Variants in B3GALT1 observed in about 807,000 individuals in gnomAD.
B3GALT1 encodes the protein beta-1,3-galactosyltransferase 1.
A neutral mutation model predicts 23.2 loss-of-function variants in B3GALT1; 10 were observed. The ratio of observed to expected loss-of-function variants is 0.43; its 90% confidence interval spans 0.27 to 0.73. The LOEUF is 0.73. Ranked by LOEUF, B3GALT1 falls within the 30% of genes least tolerant of loss-of-function variation. The probability of loss-of-function intolerance (pLI) is 0.21; values close to 1 mark genes in which losing one functional copy is unlikely to be tolerated. For missense variants in B3GALT1, 299 were observed against 405.4 expected, an observed-to-expected ratio of 0.74 and a Z score of 2.25; for synonymous variants, 156 against 141.5, an observed-to-expected ratio of 1.10 and a Z score of -0.73.
At chr2:167,766,100 C>G (rs1687972701) in intron 3 of B3GALT1, among the ~76,000 whole-genome samples, 1 of 152,078 alleles carries the variant, frequency 6.6e-6, no homozygotes, top group Non-Finnish European at 1.5e-5. Context: ...TTACAGATGC[C>G]CTAAAGATTT....
In B3GALT1 at chr2:167,872,970, C is replaced by T. The variant is rs1258190106; in HGVS notation, c.*2950C>T. On this transcript the variant is annotated 3_prime_UTR_variant, in exon 5 of 5. Coordinates refer to ENST00000392690, the MANE Select transcript of B3GALT1 (RefSeq NM_020981.4). ...CATAGCCTTAAGCATGTTTGCCCTT[C>T]GTTTTTTGAATGTTCAAAAAATGTT... The T allele has an allele frequency of 6.6e-6, 1 of 152,068 alleles. No individual in the cohort carries two copies. The highest frequency in any genetic ancestry group is 2.4e-5 in the African/African-American group (1 of 41,414). 9.4% of individuals were successfully genotyped at this position (152,068 alleles called of 1,614,324 possible). A position where few individuals can be genotyped will look rare whatever the true frequency, so the allele number is the denominator to read the frequency against.
chr2:167,396,645 A>G (rs980276810), intron 1 of B3GALT1, among the ~76,000 whole-genome samples: 1 of 151,694 alleles, frequency 6.6e-6, no homozygotes, highest in Non-Finnish European at 1.5e-5. Context: ...TATATAAAAT[A>G]AAACTTAGCC....
intron 3 of B3GALT1, among the ~76,000 whole-genome samples, chr2:167,662,897 C>A (rs1047159356): frequency 2.6e-5 from 4 of 152,078 alleles, no homozygotes; most frequent in African/African-American, 7.2e-5. Context: ...ATGCATATGA[C>A]TGCCTTGTCT....
At chr2:167,785,698 C>T (rs1383047845) in intron 3 of B3GALT1, among the ~76,000 whole-genome samples, 2 of 152,200 alleles carry the variant, frequency 1.3e-5, no homozygotes, top group Non-Finnish European at 2.9e-5. Context: ...CTTCACTGAG[C>T]ATTTAGCAGG....
chr2:167,798,084 T>A (rs1688572765), intron 3 of B3GALT1, among the ~76,000 whole-genome samples: 2 of 152,218 alleles, frequency 1.3e-5, no homozygotes, highest in African/African-American at 4.8e-5. Flanking sequence ...GTTGCATGAA[T>A]GTCTTCTTTT....
At chr2:167,333,490 T>G (rs1046445335) in intron 1 of B3GALT1, among the ~76,000 whole-genome samples, 6 of 152,168 alleles carry the variant, frequency 3.9e-5, no homozygotes, top group African/African-American at 1.4e-4. Context: ...TGAGAACCAG[T>G]GTTAGATTGA....
At chr2:167,839,669 A>C (rs887098673) in intron 4 of B3GALT1, among the ~76,000 whole-genome samples, 1 of 152,268 alleles carries the variant, frequency 6.6e-6, no homozygotes, top group African/African-American at 2.4e-5. Context: ...ACAGAATTGG[A>C]AAAAACTACT....
intron 3 of B3GALT1, among the ~76,000 whole-genome samples, chr2:167,805,796 C>G (rs58906279): frequency 0.034 from 5,101 of 152,106 alleles, 124 homozygotes; most frequent in South Asian, 0.069. Context: ...GCTTAGGATT[C>G]ACTTGGCAAT....
intron 3 of B3GALT1, among the ~76,000 whole-genome samples, chr2:167,704,830 T>C (rs1227201065): frequency 6.6e-6 from 1 of 152,216 alleles, no homozygotes; most frequent in Admixed American, 6.5e-5. Context: ...AATTTCCAGA[T>C]ACCCCAAGTC....
intron 1 of B3GALT1, among the ~76,000 whole-genome samples, chr2:167,373,251 AAAC>A (rs1320741751): frequency 2.6e-5 from 4 of 152,160 alleles, no homozygotes; most frequent in African/African-American, 9.7e-5. Context: ...TAATTTTAAA[AAAC>A]AACAGTATGA....
chr2:167,554,117 T>A (rs1444462601), intron 2 of B3GALT1, among the ~76,000 whole-genome samples: 1 of 152,216 alleles, frequency 6.6e-6, no homozygotes, highest in Non-Finnish European at 1.5e-5. Flanking sequence ...CTCTTCCACC[T>A]GCAAACTGTA....
At chr2:167,708,826 C>G (rs1687007687) in intron 3 of B3GALT1, among the ~76,000 whole-genome samples, 1 of 152,102 alleles carries the variant, frequency 6.6e-6, no homozygotes, top group African/African-American at 2.4e-5. Context: ...CCAGTGTCTG[C>G]AAGAGGAATG....
At chr2:167,313,418 A>T (rs1696663195) in intron 1 of B3GALT1, among the ~76,000 whole-genome samples, 1 of 152,172 alleles carries the variant, frequency 6.6e-6, no homozygotes, top group Non-Finnish European at 1.5e-5. Flanking sequence ...CGAGTAATAG[A>T]ATAGTTTTAA....
At chr2:167,713,267 T>C (rs1687090666) in intron 3 of B3GALT1, among the ~76,000 whole-genome samples, 1 of 152,178 alleles carries the variant, frequency 6.6e-6, no homozygotes, top group African/African-American at 2.4e-5. Context: ...GAATAAAATA[T>C]AAATAAGGCA....
intron 3 of B3GALT1, among the ~76,000 whole-genome samples, chr2:167,667,525 G>T (rs540729195): frequency 6.6e-6 from 1 of 152,224 alleles, no homozygotes; most frequent in African/African-American, 2.4e-5. Context: ...AAGTTCTCCT[G>T]GATAATATCC....
Position 167,386,886 on chromosome 2 carries a change from A to G in B3GALT1, c.-511+93552A>G, listed in dbSNP as rs138788533. On this transcript the variant is annotated intron_variant, in intron 1 of 4. Coordinates refer to ENST00000392690, the MANE Select transcript of B3GALT1 (RefSeq NM_020981.4). ...AAAAGTAGCCCTAACTGTAAAATAG[A>G]TGAAAGAGAAGACTGGATGAAGTCG... Among the ~76,000 whole-genome samples, 176 of 152,344 alleles carry G rather than the reference A, an allele frequency of 1.2e-3. 1 individual carries two copies. In the East Asian group the frequency reaches 0.018, roughly 16 times the overall value.
chr2:167,794,504 A>G (rs72878732), intron 3 of B3GALT1, among the ~76,000 whole-genome samples: 1,878 of 152,336 alleles, frequency 0.012, 19 homozygotes, highest in South Asian at 0.068. Flanking sequence ...CTCATTTAGC[A>G]GGAAACCAAT....
intron 1 of B3GALT1, among the ~76,000 whole-genome samples, chr2:167,450,970 C>T (rs1216694205): frequency 6.6e-6 from 1 of 151,840 alleles, no homozygotes; most frequent in African/African-American, 2.4e-5. Flanking sequence ...CTTTCTTCTG[C>T]TTGTTCAGTT....
intron 1 of B3GALT1, among the ~76,000 whole-genome samples, chr2:167,425,521 T>G (rs1698610841): frequency 6.6e-6 from 1 of 152,220 alleles, no homozygotes; most frequent in Admixed American, 6.5e-5. Flanking sequence ...AAAAAATTAC[T>G]TTTTCATACA....
Sources: gnomAD v4.1 joint callset for allele counts (sites outside exome capture counted in the v4.1 genomes callset) on GRCh38, gnomAD v4.1.1 for gene constraint, MANE v1.5 for transcripts, NCBI Gene and HGNC (gene_info 2026-07-23, HGNC 2026-07-21) for gene names.